PIEZO2: variants seen among roughly 807,000 people sequenced by gnomAD.
PIEZO2 encodes piezo-type mechanosensitive ion channel component 2.
In PIEZO2, 172 loss-of-function variants were observed where a neutral mutation model predicts 337.3. That is an observed-to-expected ratio of 0.51 (90% CI 0.45 to 0.58). The LOEUF is 0.58. PIEZO2 is among the 20% of genes least tolerant of loss of function. The pLI is 0.00. For synonymous variants in PIEZO2, 1,251 were observed against 1,228.5 expected (o/e 1.02, Z -0.38); for missense variants, 3,028 against 3,391.3 (o/e 0.89, Z 2.66).
chr18:10,738,221 G>C (rs2037084532), intron 33 of PIEZO2: 1 of 152,222 alleles, frequency 6.6e-6, no homozygotes, highest in Non-Finnish European at 1.5e-5. Context: ...CATAAGCCGA[G>C]AGATTTGCAG....
At chr18:10,994,405 T>C (rs201478604) in intron 2 of PIEZO2, among the ~76,000 whole-genome samples, 63,753 of 148,998 alleles carry the variant, frequency 0.43, 13,615 homozygotes, top group Non-Finnish European at 0.47. Context: ...TCTTTCTTTT[T>C]TTTTTTTTTT....
At chr18:10,802,057 G>C (rs1202291239) in intron 9 of PIEZO2, among the ~76,000 whole-genome samples, 1 of 132,282 alleles carries the variant, frequency 7.6e-6, no homozygotes, top group Non-Finnish European at 1.5e-5. Context: ...CTGCACTCCA[G>C]CCTGGGCGAC....
rs779342295 is a variant in PIEZO2, at chr18:10,940,586, G to A, written c.287-29358C>T. Among the ~76,000 whole-genome samples the A allele has an allele frequency of 9.2e-5, 14 of 152,268 alleles. No homozygotes were observed. Among genetic ancestry groups the A allele is most frequent in the African/African-American group, 2.4e-4 (10 of 41,562 alleles). Reference sequence around the variant, plus strand: ...TCACATGTCTAAAAGAATTCAGGCCGGGCACTGCTGCTCATGCCTGTAATC... The same window carrying A: ...TCACATGTCTAAAAGAATTCAGGCCAGGCACTGCTGCTCATGCCTGTAATC... On this transcript the variant is annotated intron_variant, in intron 3 of 55. Transcript: ENST00000674853. This position sits in a 1 kb window ranked among gnomAD's most constrained non-coding sequence, Gnocchi z 5.3.
intron 3 of PIEZO2, among the ~76,000 whole-genome samples, chr18:10,958,942 T>G (rs991213305): frequency 2.6e-5 from 4 of 152,182 alleles, no homozygotes; most frequent in Non-Finnish European, 5.9e-5. Context: ...AATTACATCA[T>G]TATTGAGAAT....
At position 10,863,791 on chromosome 18, in the gene PIEZO2, T is replaced by G. The variant is rs977055948; in HGVS notation, c.493-6580A>C. On this transcript the variant is annotated intron_variant, in intron 5 of 55. Transcript: ENST00000674853. The surrounding 1 kb of genome is among the most constrained non-coding windows in gnomAD (Gnocchi z 4.3). Reference sequence around the variant, plus strand: ...AATAATGGAGACTAGCCAAATACAATTGACTGTTTAAAGGCTTTTTTCTTT... The same window carrying G: ...AATAATGGAGACTAGCCAAATACAAGTGACTGTTTAAAGGCTTTTTTCTTT... Among the ~76,000 whole-genome samples, 1 of 151,780 alleles carries G rather than the reference T, an allele frequency of 6.6e-6. No individual in the cohort carries two copies. The highest frequency in any genetic ancestry group is 1.5e-5 in the Non-Finnish European group (1 of 68,032).
chr18:10,696,339 A>G lies in PIEZO2; in HGVS notation c.6976-51T>C, dbSNP rs868526. Reference sequence around the variant, plus strand: ...CCCAAGAGAGGCAATTCATGGCAGGAAGCGCCATCGCCATGGGTCAGGGCG... The same window carrying G: ...CCCAAGAGAGGCAATTCATGGCAGGGAGCGCCATCGCCATGGGTCAGGGCG... On this transcript the variant is annotated intron_variant, in intron 46 of 55. Coordinates refer to ENST00000674853, the MANE Select transcript of PIEZO2 (RefSeq NM_001378183.1). 0.37 allele frequency: 593,230 copies of G among 1,612,852 alleles called. 110,117 individuals are homozygous for G. Among genetic ancestry groups the G allele is most frequent in the Non-Finnish European group, 0.38 (448,411 of 1,179,192 alleles).
In PIEZO2 at chr18:11,072,997, T is replaced by C. The variant is rs558575851; in HGVS notation, c.65-6775A>G. Among the ~76,000 whole-genome samples the C allele has an allele frequency of 2.0e-5, 3 of 152,368 alleles. No individual in the cohort carries two copies. In the East Asian group the frequency reaches 5.8e-4, roughly 29 times the overall value. On this transcript the variant is annotated intron_variant, in intron 1 of 55. Transcript: ENST00000674853. ...TGGCATATGCTCTGTATGTATGTTG[T>C]TGTTTCAAATTTTTATAACTTTGCT...
chr18:10,689,325 C>A (rs1490736773), intron 49 of PIEZO2, among the ~76,000 whole-genome samples: 1 of 152,194 alleles, frequency 6.6e-6, no homozygotes. Flanking sequence ...CCACCACCAG[C>A]CCCACTTTTC....
chr18:10,788,945 G>A (rs1326919399), intron 15 of PIEZO2, 134 bp downstream of exon 15: 1 of 1,063,454 alleles, frequency 9.4e-7, no homozygotes, highest in Non-Finnish European at 1.3e-6. Flanking sequence ...GGATTCTTGG[G>A]ATACGATGTT....
At position 10,878,161 on chromosome 18, in the gene PIEZO2, C is replaced by A. The variant is rs570645950; in HGVS notation, c.330-6746G>T. Among the ~76,000 whole-genome samples the A allele has an allele frequency of 6.6e-6, 1 of 152,350 alleles. No individual in the cohort carries two copies. The highest frequency in any genetic ancestry group is 6.5e-5 in the Admixed American group (1 of 15,306). On this transcript the variant is annotated intron_variant, in intron 4 of 55. Coordinates refer to ENST00000674853, the MANE Select transcript of PIEZO2 (RefSeq NM_001378183.1). The surrounding 1 kb of genome is among the most constrained non-coding windows in gnomAD (Gnocchi z 4.3). ...CTCACTGATTTACCAATCTGCCTAA[C>A]AGAAGCCCTTGCCTGTTTCATCTGT... is the stretch of plus-strand genomic sequence containing the variant.
intron 7 of PIEZO2, among the ~76,000 whole-genome samples, chr18:10,812,824 C>T (rs2040238528): frequency 6.6e-6 from 1 of 152,150 alleles, no homozygotes; most frequent in South Asian, 2.1e-4. Flanking sequence ...TATAAAACCT[C>T]CACCTGTTTT....
In PIEZO2 at chr18:10,999,592, C is replaced by G. The variant is rs181268782; in HGVS notation, c.161-19932G>C. Among the ~76,000 whole-genome samples the G allele has an allele frequency of 2.6e-4, 40 of 152,108 alleles. No individual in the cohort carries two copies. The East Asian group carries it at 3.5e-3, about 13-fold the overall frequency. ...TGGGAGAACGAGCATGGGTTATAAG[C>G]AAATATTATGCCATTTTATATAAGA... On this transcript the variant is annotated intron_variant, in intron 2 of 55. Coordinates refer to ENST00000674853, the MANE Select transcript of PIEZO2 (RefSeq NM_001378183.1).
intron 10 of PIEZO2, among the ~76,000 whole-genome samples, chr18:10,800,727 C>T (rs911340876): frequency 1.2e-4 from 18 of 152,246 alleles, no homozygotes; most frequent in Admixed American, 1.2e-3. Flanking sequence ...AACCATGCTT[C>T]GCACCTGCTG....
At chr18:11,121,213 C>G (rs1358425001) in intron 1 of PIEZO2, among the ~76,000 whole-genome samples, 4 of 151,494 alleles carry the variant, frequency 2.6e-5, no homozygotes, top group Admixed American at 2.0e-4. Context: ...GATCGGGCCA[C>G]TGCGTTCCAT....
At chr18:10,719,921 C>G (rs1024873739) in intron 36 of PIEZO2, among the ~76,000 whole-genome samples, 3 of 151,802 alleles carry the variant, frequency 2.0e-5, no homozygotes, top group Non-Finnish European at 4.4e-5. Flanking sequence ...ATGAAAAAAT[C>G]AGGTTAGGAG....
rs149768854 is a variant in PIEZO2, at chr18:11,127,803, A to ATATGTGTGTGTG, written c.64+20721_64+20722insCACACACACATA. On this transcript the variant is annotated intron_variant, in intron 1 of 55. Transcript: ENST00000674853. The surrounding 1 kb of genome is among the most constrained non-coding windows in gnomAD (Gnocchi z 4.5). ...TGCATATACGTGTGTGTGTGTGTGC[A>ATATGTGTGTGTG]TGTGTGTGTGTGTGTGTGTGTGTAT... is the stretch of plus-strand genomic sequence containing the variant. Among the ~76,000 whole-genome samples the ATATGTGTGTGTG allele has an allele frequency of 2.0e-5, 3 of 146,756 alleles. No individual in the cohort carries two copies. The highest frequency in any genetic ancestry group is 4.5e-5 in the Non-Finnish European group (3 of 67,050).
At chr18:11,066,365 T>A in intron 1 of PIEZO2, 143 bp from the exon 2 acceptor site, 1 of 611,716 alleles carries the variant, frequency 1.6e-6, no homozygotes, top group Non-Finnish European at 2.9e-6. Flanking sequence ...AATTAAACAG[T>A]AATAAATTAG....
intron 48 of PIEZO2, 54 bp from the exon 49 acceptor site, chr18:10,689,856 C>T (rs544628681): frequency 8.9e-5 from 139 of 1,555,664 alleles, no homozygotes; most frequent in Admixed American, 6.4e-4. Context: ...CCCCACCACC[C>T]TGCTCACCCA....
chr18:10,905,052 A>T (rs143483268), intron 4 of PIEZO2, among the ~76,000 whole-genome samples: 31 of 152,224 alleles, frequency 2.0e-4, no homozygotes, highest in African/African-American at 7.2e-4. Context: ...ATAACAACTT[A>T]AAAAAATCAT....
Sources: allele counts gnomAD v4.1 joint callset (sites outside exome capture counted in the v4.1 genomes callset), GRCh38; gene constraint gnomAD v4.1.1; non-coding constraint Gnocchi (gnomAD v3.1); transcripts MANE v1.5; gene names NCBI Gene and HGNC (gene_info 2026-07-23, HGNC 2026-07-21).